The following AGPAT2 variants were observed in gnomAD, a reference collection of about 807,000 sequenced individuals.
The protein encoded by AGPAT2 is 1-acylglycerol-3-phosphate O-acyltransferase 2, also known as 1-acyl-sn-glycerol-3-phosphate acyltransferase beta.
A neutral mutation model predicts 26.1 loss-of-function variants in AGPAT2; 18 were observed. The observed-to-expected ratio is 0.69, with a 90% CI of 0.48 to 1.02. AGPAT2 has a LOEUF of 1.02. Ranked by LOEUF, AGPAT2 falls within the 50% of genes least tolerant of loss-of-function variation. The pLI is 0.00. For missense variants in AGPAT2, 415 were observed against 394.9 expected, an observed-to-expected ratio of 1.05 and a Z score of -0.43; for synonymous variants, 200 against 174.2, an observed-to-expected ratio of 1.15 and a Z score of -1.16.
intron 1 of AGPAT2, among the ~76,000 whole-genome samples, chr9:136,679,658 T>C (rs535742417): frequency 2.4e-4 from 37 of 152,322 alleles, no homozygotes; most frequent in Non-Finnish European, 4.0e-4. Flanking sequence ...AACACAGAAC[T>C]GTCTGGTGCT....
chr9:136,687,224 G>A lies in AGPAT2; in HGVS notation c.134C>T (p.Ser45Leu), dbSNP rs375485327. The A allele has an allele frequency of 3.8e-6, 6 of 1,594,264 alleles. No individual in the cohort carries two copies. The highest frequency in any genetic ancestry group is 3.4e-5 in the South Asian group (3 of 89,324). The change falls in exon 1 of 6, where the codon TCG becomes TTG. Residue 45 changes from serine to leucine, a missense_variant. Transcript: ENST00000371696. Reference protein sequence around the residue: ...ALCFTVSAVASLVCLLRHGGR... With the variant: ...ALCFTVSAVALLVCLLRHGGR... Reference sequence around the variant, plus strand: ...GCCGTGGCGCAGCAGGCAGACGAGCGAGGCCACGGCGGACACCGTGAAGCA... The same window carrying A: ...GCCGTGGCGCAGCAGGCAGACGAGCAAGGCCACGGCGGACACCGTGAAGCA...
intron 5 of AGPAT2, among the ~76,000 whole-genome samples, 171 bp from the exon 6 acceptor site, chr9:136,674,098 C>G (rs376570897): frequency 1.3e-5 from 2 of 152,230 alleles, no homozygotes; most frequent in Admixed American, 1.3e-4. Context: ...ATTGCAGTAA[C>G]GTTGCTGCAG....
rs373790170 is a variant in AGPAT2, at chr9:136,682,403, C to T, written c.182+4773G>A. Among the ~76,000 whole-genome samples, 19 of 152,334 alleles carry T rather than the reference C, an allele frequency of 1.2e-4. 1 individual carries two copies. The highest frequency in any genetic ancestry group is 3.4e-3 in the Middle Eastern group (1 of 294). ...TCCCCTCCCACCAACCACAGGCGGA[C>T]GAGGGGCTGCCCTGTCCTTTCCTCA... On this transcript the variant is annotated intron_variant, in intron 1 of 5. Coordinates refer to ENST00000371696, the MANE Select transcript of AGPAT2 (RefSeq NM_006412.4).
intron 4 of AGPAT2, 59 bp from the exon 5 acceptor site, chr9:136,674,866 G>A (rs1846070409): frequency 1.6e-6 from 2 of 1,289,744 alleles, no homozygotes; most frequent in Non-Finnish European, 2.1e-6. Context: ...GCACACCCCA[G>A]GCTGCATGTG....
intron 1 of AGPAT2, 34 bp from the exon 2 acceptor site, chr9:136,677,590 C>A (rs759860743): frequency 6.8e-6 from 11 of 1,612,400 alleles, no homozygotes; most frequent in Non-Finnish European, 9.3e-6. Context: ...ACGGGTCCCA[C>A]AGATCCCGCA....
chr9:136,683,087 A>C, intron 1 of AGPAT2, among the ~76,000 whole-genome samples: 1 of 149,150 alleles, frequency 6.7e-6, no homozygotes, highest in Non-Finnish European at 1.5e-5. Flanking sequence ...GGGGGGAAGA[A>C]TCCAAAATGG....
rs55755415 is a variant in AGPAT2, at chr9:136,677,020, G to T, written c.433C>A (p.Arg145Ser). 25 of 1,612,374 alleles carry T rather than the reference G, an allele frequency of 1.6e-5. No individual in the cohort carries two copies. The highest frequency in any genetic ancestry group is 2.1e-5 in the Non-Finnish European group (25 of 1,179,708). Residue 145 changes from arginine (R) to serine (S), a missense_variant, in exon 3 of 6, where the codon CGC becomes AGC. Transcript: ENST00000371696. ...ATCACTGTCATGGCAGTGCTAGAGC[G>T]CTGCCGGTTGATGAAGAAGACGCCC... Reference protein sequence around the residue: ...LGGVFFINRQRSSTAMTVMAD... With the variant: ...LGGVFFINRQSSSTAMTVMAD...
chr9:136,686,277 AG>A (rs1588269581), intron 1 of AGPAT2, among the ~76,000 whole-genome samples: 1 of 152,196 alleles, frequency 6.6e-6, no homozygotes, highest in African/African-American at 2.4e-5. Context: ...CCCCCACCCC[AG>A]GCCATTGCAA....
chr9:136,674,924 G>C (rs1448334470), intron 4 of AGPAT2, 117 bp from the exon 5 acceptor site: 5 of 610,296 alleles, frequency 8.2e-6, no homozygotes, highest in African/African-American at 7.7e-5. Flanking sequence ...CTTCGCTGCT[G>C]CCATGGGTCC....
intron 2 of AGPAT2, 31 bp downstream of exon 2, chr9:136,677,391 AC>A: frequency 6.2e-7 from 1 of 1,611,946 alleles, no homozygotes; most frequent in Non-Finnish European, 8.5e-7. Flanking sequence ...CCCCACTCAA[AC>A]CCCAGAAGCC....
intron 1 of AGPAT2, among the ~76,000 whole-genome samples, chr9:136,683,606 G>A (rs1243229756): frequency 6.6e-6 from 1 of 152,224 alleles, no homozygotes; most frequent in African/African-American, 2.4e-5. Flanking sequence ...GGGGTGCGGG[G>A]TCCAGCCCAC....
At chr9:136,683,899 G>A (rs62580386) in intron 1 of AGPAT2, among the ~76,000 whole-genome samples, 4 of 152,212 alleles carry the variant, frequency 2.6e-5, no homozygotes, top group Admixed American at 6.5e-5. Flanking sequence ...TGCACTGGCC[G>A]GCAAATCTGG....
At position 136,673,810 on chromosome 9, in the gene AGPAT2, G is replaced by C. The variant is rs760141111; in HGVS notation, c.779C>G (p.Ser260Cys). 1 of 1,606,670 alleles carries C rather than the reference G, an allele frequency of 6.2e-7. No homozygotes were observed. The highest frequency in any genetic ancestry group is 1.7e-5 in the Admixed American group (1 of 59,418). Residue 260 changes from serine (S) to cysteine (C), a missense_variant, in exon 6 of 6, where the codon TCC becomes TGC. By Grantham distance (112) the Ser-to-Cys change is moderately radical (BLOSUM62 -1). Coordinates refer to ENST00000371696, the MANE Select transcript of AGPAT2 (RefSeq NM_006412.4). Reference sequence around the variant, plus strand: ...GGCCCCGTTCTCCTGGGGGGTCTTGGAGATGTGGAGGAAGGTGGTCCTCAT... The same window carrying C: ...GGCCCCGTTCTCCTGGGGGGTCTTGCAGATGTGGAGGAAGGTGGTCCTCAT... ...RAMRTTFLHISKTPQENGATA... is the reference protein window; with the variant it reads ...RAMRTTFLHICKTPQENGATA...
chr9:136,684,060 G>A lies in AGPAT2; in HGVS notation c.182+3116C>T, dbSNP rs532596446. Among the ~76,000 whole-genome samples the A allele has an allele frequency of 1.4e-4, 22 of 152,328 alleles. No homozygotes were observed. The South Asian group carries it at 3.1e-3, about 22-fold the overall frequency. ...CCCGGCCTCCAGATACCAGCAGAGC[G>A]TGGGGTTCAATTCGGGGAGCATCCT... On this transcript the variant is annotated intron_variant, in intron 1 of 5. Coordinates refer to ENST00000371696, the MANE Select transcript of AGPAT2 (RefSeq NM_006412.4).
At chr9:136,687,053 TC>T in intron 1 of AGPAT2, 122 bp downstream of exon 1, 1 of 1,172,834 alleles carries the variant, frequency 8.5e-7, no homozygotes. Context: ...AGGCGCGCTC[TC>T]CCCGGAGCCC....
chr9:136,677,340 C>T (rs559352421), intron 2 of AGPAT2, 83 bp downstream of exon 2: 57 of 1,601,064 alleles, frequency 3.6e-5, no homozygotes, highest in East Asian at 2.0e-4. Flanking sequence ...CCTGTGTCCT[C>T]GTCCCCGGGA....
rs765579961 is a variant in AGPAT2, at chr9:136,676,584, C to T, written c.588+1G>A. On this transcript the variant is annotated splice_donor_variant, in intron 4 of 5. Transcript: ENST00000371696. LOFTEE classifies it high-confidence loss of function. ...CCCAGGGAGGGCTGGGCTCAGCCTA[C>T]CTGTGCCTGGACTGCCAGGTAGAAG... 1.2e-6 allele frequency: 2 copies of T among 1,612,578 alleles called. No individual in the cohort carries two copies. The highest frequency in any genetic ancestry group is 2.2e-5 in the South Asian group (2 of 91,040).
At chr9:136,682,399 C>T (rs951486934) in intron 1 of AGPAT2, among the ~76,000 whole-genome samples, 2 of 152,218 alleles carry the variant, frequency 1.3e-5, no homozygotes, top group Admixed American at 6.5e-5. Context: ...CAACCACAGG[C>T]GGACGAGGGG....
rs750709682 is a variant in AGPAT2, at chr9:136,674,707, C to T, written c.661+28G>A. ...TGACTGTAGGGTCAGGCGGGGCCTACACCCCGGGTGCACACATGTGGGGGT... is the reference window on the plus strand; with the variant it reads ...TGACTGTAGGGTCAGGCGGGGCCTATACCCCGGGTGCACACATGTGGGGGT... On this transcript the variant is annotated intron_variant, in intron 5 of 5. Coordinates refer to ENST00000371696, the MANE Select transcript of AGPAT2 (RefSeq NM_006412.4). 4 of 1,400,326 alleles carry T rather than the reference C, an allele frequency of 2.9e-6. No individual in the cohort carries two copies. The Admixed American group carries it at 8.2e-5, about 29-fold the overall frequency. The allele number at this position is 1,400,326 out of a possible 1,614,324, so 86.7% of individuals were successfully genotyped here.
Sources: gnomAD v4.1 joint callset for allele counts (sites outside exome capture counted in the v4.1 genomes callset) on GRCh38, gnomAD v4.1.1 for gene constraint, MANE v1.5 for transcripts, NCBI Gene and HGNC (gene_info 2026-07-23, HGNC 2026-07-21) for gene names.